The following FGGY variants were observed in gnomAD, a reference collection of about 807,000 sequenced individuals.
FGGY encodes the protein FGGY carbohydrate kinase domain containing, also known as FGGY carbohydrate kinase domain-containing protein.
Under a neutral mutation model 71.3 loss-of-function variants are expected in FGGY, and 72 were observed. That is an observed-to-expected ratio of 1.01 (90% CI 0.84 to 1.23). The LOEUF (loss-of-function observed/expected upper bound fraction) is 1.23. FGGY is among the 50% of genes most tolerant of loss of function. The pLI is 0.00. For synonymous variants in FGGY, 251 were observed against 250.3 expected (o/e 1.00, Z -0.02); for missense variants, 668 against 682.3 (o/e 0.98, Z 0.23).
chr1:59,411,738 G>A (rs2063630807), intron 5 of FGGY, among the ~76,000 whole-genome samples: 2 of 152,220 alleles, frequency 1.3e-5, no homozygotes, highest in East Asian at 1.9e-4. Context: ...TAATCCATTA[G>A]TATCATTATT....
chr1:59,554,041 A>G, intron 7 of FGGY, 83 bp from the exon 8 acceptor site: 2 of 1,102,412 alleles, frequency 1.8e-6, no homozygotes, highest in East Asian at 2.6e-5. Flanking sequence ...TAAAAAGAAG[A>G]TTTGTTAATG....
chr1:59,457,398 C>G (rs187678141), intron 6 of FGGY, among the ~76,000 whole-genome samples: 3 of 152,206 alleles, frequency 2.0e-5, no homozygotes, highest in Admixed American at 2.0e-4. Context: ...TTGCTTGAGC[C>G]CAGGAGTTCG....
rs566969994 is a variant in FGGY at position 59,748,859 on chromosome 1, G to A, written c.1513-9072G>A. Reference sequence around the variant, plus strand: ...ATGACTGATGGCTGAGAACCCCTCCGTAGCATCAGGATGGGGGCTGGTCAC... The same window carrying A: ...ATGACTGATGGCTGAGAACCCCTCCATAGCATCAGGATGGGGGCTGGTCAC... On this transcript the variant is annotated intron_variant, in intron 14 of 15. Transcript: ENST00000303721. 4.6e-5 allele frequency among the ~76,000 whole-genome samples: 7 copies of A among 152,182 alleles called. No individual in the cohort carries two copies. In the East Asian group the frequency reaches 5.8e-4, roughly 13 times the overall value.
intron 14 of FGGY, among the ~76,000 whole-genome samples, chr1:59,681,852 G>A (rs907403292): frequency 6.6e-6 from 1 of 151,704 alleles, no homozygotes; most frequent in African/African-American, 2.4e-5. Flanking sequence ...TTTGAGGTTC[G>A]ATTCAGAGTG....
intron 6 of FGGY, among the ~76,000 whole-genome samples, chr1:59,465,610 A>C (rs1240568560): frequency 1.3e-5 from 2 of 152,218 alleles, no homozygotes; most frequent in Admixed American, 6.5e-5. Flanking sequence ...AGAAAACTCC[A>C]TTGTCTCAGA....
intron 4 of FGGY, among the ~76,000 whole-genome samples, chr1:59,351,410 C>A (rs369813980): frequency 1.6e-4 from 25 of 152,208 alleles, no homozygotes; most frequent in African/African-American, 5.5e-4. Flanking sequence ...TCCTCAAATA[C>A]ATCAGAGTCT....
chr1:59,460,393 G>T (rs1219798206), intron 6 of FGGY, among the ~76,000 whole-genome samples: 2 of 152,164 alleles, frequency 1.3e-5, no homozygotes, highest in African/African-American at 4.8e-5. Context: ...AAACAGAGCA[G>T]CTCGGAAGCT....
chr1:59,675,756 CA>C (rs777038792), intron 14 of FGGY, among the ~76,000 whole-genome samples: 3 of 152,078 alleles, frequency 2.0e-5, no homozygotes, highest in Non-Finnish European at 4.4e-5. Flanking sequence ...ATAGTTAAAA[CA>C]GGGGGGATGC....
At chr1:59,540,950 T>G (rs2095430471) in intron 7 of FGGY, among the ~76,000 whole-genome samples, 1 of 152,228 alleles carries the variant, frequency 6.6e-6, no homozygotes, top group Non-Finnish European at 1.5e-5. Flanking sequence ...CTTGCTATAC[T>G]CATAATCATG....
At chr1:59,550,109 C>T (rs528544133) in intron 7 of FGGY, among the ~76,000 whole-genome samples, 1 of 152,150 alleles carries the variant, frequency 6.6e-6, no homozygotes, top group East Asian at 1.9e-4. Flanking sequence ...TTTTTTTATG[C>T]CTGTTTCTTC....
intron 5 of FGGY, among the ~76,000 whole-genome samples, chr1:59,443,084 T>G (rs2070343324): frequency 6.6e-6 from 1 of 152,182 alleles, no homozygotes; most frequent in South Asian, 2.1e-4. Flanking sequence ...AAAGAATATT[T>G]GTTGAGTGAC....
intron 4 of FGGY, among the ~76,000 whole-genome samples, chr1:59,359,972 A>G (rs778755788): frequency 2.1e-4 from 32 of 152,122 alleles, no homozygotes; most frequent in Non-Finnish European, 3.8e-4. Context: ...CGTGGCATGG[A>G]CGTACATTTT....
intron 5 of FGGY, among the ~76,000 whole-genome samples, chr1:59,386,892 A>T (rs1376418400): frequency 1.3e-5 from 2 of 152,140 alleles, no homozygotes; most frequent in Non-Finnish European, 2.9e-5. Context: ...TATTAAATTT[A>T]CATATTCTAC....
chr1:59,432,213 A>C (rs1258133304), intron 5 of FGGY, among the ~76,000 whole-genome samples: 5 of 152,172 alleles, frequency 3.3e-5, no homozygotes, highest in African/African-American at 1.2e-4. Context: ...CCCTTCCCAC[A>C]TACCTTGCCC....
intron 7 of FGGY, among the ~76,000 whole-genome samples, chr1:59,549,260 C>T (rs892400858): frequency 1.3e-5 from 2 of 152,212 alleles, no homozygotes; most frequent in South Asian, 4.1e-4. Flanking sequence ...AAGAAACTCA[C>T]TGGATGGGAT....
chr1:59,339,945 GT>G lies in FGGY; in HGVS notation c.202-8del. 6.5e-7 allele frequency: 1 copy of G among 1,548,962 alleles called. No homozygotes were observed. Among genetic ancestry groups the G allele is most frequent in the Non-Finnish European group, 8.9e-7 (1 of 1,125,526 alleles). ...GGTGTTGTAATTTATGTTTTTATTT[GT>G]TTTTAAAACAGAAAGTTGTACAAGG... is the stretch of plus-strand genomic sequence containing the variant. On this transcript the variant is annotated splice_polypyrimidine_tract_variant and intron_variant, in intron 2 of 15. Coordinates refer to ENST00000303721, the MANE Select transcript of FGGY (RefSeq NM_018291.5).
chr1:59,534,009 G>C (rs1472810798), intron 7 of FGGY, among the ~76,000 whole-genome samples: 1 of 152,236 alleles, frequency 6.6e-6, no homozygotes, highest in Non-Finnish European at 1.5e-5. Flanking sequence ...GAGAGAAGAA[G>C]GCTTCAGACG....
At chr1:59,732,824 A>G (rs769415877) in intron 14 of FGGY, among the ~76,000 whole-genome samples, 3 of 151,990 alleles carry the variant, frequency 2.0e-5, no homozygotes, top group African/African-American at 4.8e-5. Context: ...TCACAGGAAC[A>G]TGCAATTCTT....
chr1:59,556,870 G>A (rs2095695250), intron 8 of FGGY, among the ~76,000 whole-genome samples: 1 of 152,164 alleles, frequency 6.6e-6, no homozygotes, highest in African/African-American at 2.4e-5. Context: ...ATGGGCAGCT[G>A]CAGTTGGTTG....
Sources: gnomAD v4.1 joint callset for allele counts (sites outside exome capture counted in the v4.1 genomes callset) on GRCh38, gnomAD v4.1.1 for gene constraint, MANE v1.5 for transcripts, NCBI Gene and HGNC (gene_info 2026-07-23, HGNC 2026-07-21) for gene names.